Variants in CEP57L1 observed in about 807,000 individuals in gnomAD.
CEP57L1 encodes the protein centrosomal protein 57 like 1, also known as centrosomal protein CEP57L1.
Under a neutral mutation model 61.0 loss-of-function variants are expected in CEP57L1, and 37 were observed. That is an observed-to-expected ratio of 0.61 (90% CI 0.47 to 0.80). The LOEUF (loss-of-function observed/expected upper bound fraction) is 0.80. Ranked by LOEUF, CEP57L1 falls within the 30% of genes least tolerant of loss-of-function variation. CEP57L1 has a pLI of 0.00. For synonymous variants in CEP57L1, 137 were observed against 162.3 expected, an observed-to-expected ratio of 0.84 and a Z score of 1.19; for missense variants, 422 against 524.7, an observed-to-expected ratio of 0.80 and a Z score of 1.91.
intron 1 of CEP57L1, among the ~76,000 whole-genome samples, chr6:109,101,598 A>C (rs1468705530): frequency 2.0e-5 from 3 of 151,040 alleles, no homozygotes; most frequent in African/African-American, 7.3e-5. Flanking sequence ...TAAGAAACTC[A>C]CAGCTGTTTT....
intron 4 of CEP57L1, among the ~76,000 whole-genome samples, chr6:109,152,975 G>A (rs1044873173): frequency 6.6e-6 from 1 of 151,678 alleles, no homozygotes; most frequent in East Asian, 2.0e-4. Context: ...GTAGGGCATG[G>A]TGGCAGGCGC....
In CEP57L1 at chr6:109,167,681, C is replaced by CAAAAAA. The variant is rs573024481; in HGVS notation, c.*4717_*4722dup. 7.9e-6 allele frequency among the ~76,000 whole-genome samples: 1 copy of CAAAAAA among 127,172 alleles called. No homozygotes were observed. The highest frequency in any genetic ancestry group is 3.0e-5 in the African/African-American group (1 of 33,704). The allele number at this position is 127,172 out of a possible 152,430, so 83.4% of individuals were successfully genotyped here. ...AACAGAGCAAGACTCTGCCTCAAAG[C>CAAAAAA]AAAAAAAAAAAGAAAAGAAAAGAAA... On this transcript the variant is annotated 3_prime_UTR_variant, in exon 11 of 11. Coordinates refer to ENST00000517392, the MANE Select transcript of CEP57L1 (RefSeq NM_001271852.3).
Position 109,155,891 on chromosome 6 carries a change from A to AT in CEP57L1, c.744+20dup. ...AAATCTTCAAAGGTGTGCATATAAA[A>AT]TTTTTTCCCAAACAAAAATACTGCT... On this transcript the variant is annotated intron_variant, in intron 7 of 10. Coordinates refer to ENST00000517392, the MANE Select transcript of CEP57L1 (RefSeq NM_001271852.3). 2 of 1,420,842 alleles carry AT rather than the reference A, an allele frequency of 1.4e-6. No individual in the cohort carries two copies. Among genetic ancestry groups the AT allele is most frequent in the Non-Finnish European group, 2.0e-6 (2 of 1,019,414 alleles). 88.0% of individuals were successfully genotyped at this position (1,420,842 alleles called of 1,614,324 possible). A position where few individuals can be genotyped will look rare whatever the true frequency, so the allele number is the denominator to read the frequency against.
chr6:109,099,699 G>A (rs573873552), intron 1 of CEP57L1, among the ~76,000 whole-genome samples: 4 of 152,010 alleles, frequency 2.6e-5, no homozygotes, highest in Non-Finnish European at 5.9e-5. Context: ...ACAGACACCC[G>A]CCACCATGCC....
chr6:109,161,467 T>C (rs906469930), intron 10 of CEP57L1, among the ~76,000 whole-genome samples: 30 of 152,250 alleles, frequency 2.0e-4, no homozygotes, highest in African/African-American at 6.7e-4. Context: ...TCATCATTCA[T>C]ATAAGTTAGT....
chr6:109,135,133 T>C (rs1774691806), intron 1 of CEP57L1, among the ~76,000 whole-genome samples: 1 of 152,078 alleles, frequency 6.6e-6, no homozygotes, highest in Admixed American at 6.6e-5. Flanking sequence ...AGAACAAAGC[T>C]GGAGGCATCA....
At chr6:109,141,633 T>C (rs1366011580) in intron 1 of CEP57L1, among the ~76,000 whole-genome samples, 1 of 151,892 alleles carries the variant, frequency 6.6e-6, no homozygotes, top group African/African-American at 2.4e-5. Flanking sequence ...ATATTATAAA[T>C]AATACATTAT....
intron 5 of CEP57L1, among the ~76,000 whole-genome samples, chr6:109,154,512 A>C (rs997931315): frequency 1.3e-5 from 2 of 152,082 alleles, no homozygotes; most frequent in Admixed American, 6.5e-5. Context: ...TGTTTTATGA[A>C]TATTGCTCTT....
At chr6:109,105,053 A>C (rs1770767189) in intron 1 of CEP57L1, among the ~76,000 whole-genome samples, 1 of 151,738 alleles carries the variant, frequency 6.6e-6, no homozygotes, top group Non-Finnish European at 1.5e-5. Context: ...TCCTTTGTTA[A>C]TTGACCTTTG....
intron 1 of CEP57L1, among the ~76,000 whole-genome samples, chr6:109,113,425 C>G (rs897154508): frequency 6.6e-6 from 1 of 152,096 alleles, no homozygotes; most frequent in Non-Finnish European, 1.5e-5. Context: ...ATACAGTTCT[C>G]TCTCTTGAAG....
intron 1 of CEP57L1, among the ~76,000 whole-genome samples, chr6:109,099,542 A>G (rs543576727): frequency 1.3e-5 from 2 of 148,736 alleles, no homozygotes; most frequent in African/African-American, 5.2e-5. Context: ...TTATTTATTT[A>G]TTTTTATTTA....
rs573332742 is a variant in CEP57L1, at chr6:109,117,021, G to T, written c.-4+21446G>T. On this transcript the variant is annotated intron_variant, in intron 1 of 10. Coordinates refer to ENST00000517392, the MANE Select transcript of CEP57L1 (RefSeq NM_001271852.3). Reference sequence around the variant, plus strand: ...AAGACTGATTTAATATATACCAAAAGTGTGTTAACAATATTTTAATAATCT... The same window carrying T: ...AAGACTGATTTAATATATACCAAAATTGTGTTAACAATATTTTAATAATCT... Among the ~76,000 whole-genome samples, 5 of 152,228 alleles carry T rather than the reference G, an allele frequency of 3.3e-5. No homozygotes were observed. The South Asian group carries it at 1.0e-3, about 32-fold the overall frequency.
Position 109,097,708 on chromosome 6 carries a change from T to A in CEP57L1, c.-4+2133T>A, listed in dbSNP as rs531811733. Among the ~76,000 whole-genome samples the A allele has an allele frequency of 6.6e-5, 10 of 151,946 alleles. No homozygotes were observed. The South Asian group carries it at 1.9e-3, about 28-fold the overall frequency. On this transcript the variant is annotated intron_variant, in intron 1 of 10. Transcript: ENST00000517392. ...GTAAATGAAATGAAGACAAATGCAG[T>A]GGAGAATAAAACAACTGGGAAGGGG...
chr6:109,160,094 GA>G, intron 9 of CEP57L1, among the ~76,000 whole-genome samples: 1 of 152,252 alleles, frequency 6.6e-6, no homozygotes, highest in East Asian at 1.9e-4. Flanking sequence ...AGAAATTCCA[GA>G]ACTATGTGAT....
At chr6:109,106,305 A>T (rs965850944) in intron 1 of CEP57L1, among the ~76,000 whole-genome samples, 4 of 152,154 alleles carry the variant, frequency 2.6e-5, no homozygotes, top group Non-Finnish European at 5.9e-5. Flanking sequence ...CTATATAGAA[A>T]ATCATATTTC....
At chr6:109,098,092 G>C (rs1197160849) in intron 1 of CEP57L1, among the ~76,000 whole-genome samples, 1 of 151,966 alleles carries the variant, frequency 6.6e-6, no homozygotes, top group African/African-American at 2.4e-5. Flanking sequence ...CGCAGATGAG[G>C]GCATGATCTG....
chr6:109,156,561 T>G (rs1773238618), intron 7 of CEP57L1: 1 of 152,098 alleles, frequency 6.6e-6, no homozygotes, highest in African/African-American at 2.4e-5. Flanking sequence ...GAAAAAAGTT[T>G]TTAATCCCTT....
rs201301791 is a variant in CEP57L1, at chr6:109,165,076, C to CAA, written c.*2122_*2123dup. Among the ~76,000 whole-genome samples, 9 of 81,806 alleles carry CAA rather than the reference C, an allele frequency of 1.1e-4. No individual in the cohort carries two copies. The highest frequency in any genetic ancestry group is 2.8e-4 in the Admixed American group (2 of 7,028). The allele number at this position is 81,806 out of a possible 152,430, so 53.7% of individuals were successfully genotyped here. A position where few individuals can be genotyped will look rare whatever the true frequency, so the allele number is the denominator to read the frequency against. ...CTGGTGACACAGCAAGACTCTGTCT[C>CAA]AAAAAAAAAAAAAAAAATTAAAACC... On this transcript the variant is annotated 3_prime_UTR_variant, in exon 11 of 11. Coordinates refer to ENST00000517392, the MANE Select transcript of CEP57L1 (RefSeq NM_001271852.3).
rs889953674 is a variant in CEP57L1, at chr6:109,168,626, C to T, written c.*5656C>T. 2.4e-4 allele frequency among the ~76,000 whole-genome samples: 33 copies of T among 135,266 alleles called. No homozygotes were observed. Among genetic ancestry groups the T allele is most frequent in the Non-Finnish European group, 3.4e-4 (22 of 65,186 alleles). The allele number at this position is 135,266 out of a possible 152,430, so 88.7% of individuals were successfully genotyped here. On this transcript the variant is annotated 3_prime_UTR_variant, in exon 11 of 11. Coordinates refer to ENST00000517392, the MANE Select transcript of CEP57L1 (RefSeq NM_001271852.3). ...TTTTTTTTTTTTGAGATTGGAGTCTCGCTCCTTCACCCAGGCTGGAGTGCA... is the reference window on the plus strand; with the variant it reads ...TTTTTTTTTTTTGAGATTGGAGTCTTGCTCCTTCACCCAGGCTGGAGTGCA...
Sources: gnomAD v4.1 joint callset for allele counts (sites outside exome capture counted in the v4.1 genomes callset) on GRCh38, gnomAD v4.1.1 for gene constraint, MANE v1.5 for transcripts, NCBI Gene and HGNC (gene_info 2026-07-23, HGNC 2026-07-21) for gene names.